The following GRAMD1B variants were observed in gnomAD, a reference collection of about 807,000 sequenced individuals.
GRAMD1B encodes the protein GRAM domain containing 1B.
A neutral mutation model predicts 99.7 loss-of-function variants in GRAMD1B; 37 were observed. The observed-to-expected ratio is 0.37, with a 90% CI of 0.29 to 0.49. The LOEUF (loss-of-function observed/expected upper bound fraction) is 0.49, where lower values mean the gene tolerates loss of function less well. GRAMD1B is among the 20% of genes least tolerant of loss of function. The probability of loss-of-function intolerance (pLI) is 0.98; values close to 1 mark genes in which losing one functional copy is unlikely to be tolerated. For missense variants in GRAMD1B, 888 were observed against 1,009.2 expected, an observed-to-expected ratio of 0.88 and a Z score of 1.63; for synonymous variants, 427 against 387.6, an observed-to-expected ratio of 1.10 and a Z score of -1.19.
Position 123,502,246 on chromosome 11 carries a change from C to T in GRAMD1B, c.452+21353C>T, listed in dbSNP as rs1939940418. On this transcript the variant is annotated intron_variant, in intron 2 of 19. Coordinates refer to ENST00000635736, the MANE Select transcript of GRAMD1B (RefSeq NM_001387025.1). ...CTGCATGCAGTGATGTCCAGGCATT[C>T]GGACAATCCTTCCTTCTCCCATCCT... 2.6e-5 allele frequency among the ~76,000 whole-genome samples: 4 copies of T among 152,192 alleles called. No individual in the cohort carries two copies. In the South Asian group the frequency reaches 6.2e-4, roughly 24 times the overall value.
At chr11:123,392,896 T>G (rs962064675) in intron 1 of GRAMD1B, among the ~76,000 whole-genome samples, 2 of 152,200 alleles carry the variant, frequency 1.3e-5, no homozygotes, top group African/African-American at 4.8e-5. Flanking sequence ...ATTTCAAGAT[T>G]TTTAGACGTT....
intron 1 of GRAMD1B, among the ~76,000 whole-genome samples, chr11:123,394,889 C>T (rs897366969): frequency 2.6e-5 from 4 of 152,132 alleles, no homozygotes. Flanking sequence ...CCCTGTTCCT[C>T]ACTTGACAGA....
chr11:123,550,929 TCA>T (rs1945544262), intron 2 of GRAMD1B, among the ~76,000 whole-genome samples: 1 of 152,210 alleles, frequency 6.6e-6, no homozygotes, highest in Non-Finnish European at 1.5e-5. Flanking sequence ...TGTCTCCTGT[TCA>T]CACACATTCT....
chr11:123,550,699 G>A (rs1945523164), intron 2 of GRAMD1B, among the ~76,000 whole-genome samples: 1 of 152,152 alleles, frequency 6.6e-6, no homozygotes, highest in South Asian at 2.1e-4. Flanking sequence ...CCCTCATTAA[G>A]ACCTTAATCC....
At chr11:123,409,119 G>A (rs1947952700) in intron 1 of GRAMD1B, among the ~76,000 whole-genome samples, 1 of 152,184 alleles carries the variant, frequency 6.6e-6, no homozygotes, top group African/African-American at 2.4e-5. Flanking sequence ...CTGGAATTAA[G>A]GAGACTTAGA....
chr11:123,598,857 C>T, intron 7 of GRAMD1B: 1 of 1,377,326 alleles, frequency 7.3e-7, no homozygotes, highest in Non-Finnish European at 1.0e-6. Flanking sequence ...AGGCTTCACT[C>T]TATCTGTGTA....
intron 2 of GRAMD1B, among the ~76,000 whole-genome samples, chr11:123,533,158 A>G (rs1345611013): frequency 1.3e-5 from 2 of 151,752 alleles, no homozygotes; most frequent in African/African-American, 4.8e-5. Flanking sequence ...TTTAGTAGAG[A>G]CAGGGTTTCT....
At chr11:123,409,796 C>G (rs577590337) in intron 1 of GRAMD1B, among the ~76,000 whole-genome samples, 204 of 152,268 alleles carry the variant, frequency 1.3e-3, no homozygotes, top group African/African-American at 4.7e-3. Context: ...ATAGTTCAAA[C>G]AAACTAACAA....
intron 7 of GRAMD1B, chr11:123,598,055 T>C (rs1424593494): frequency 4.2e-6 from 6 of 1,426,630 alleles, no homozygotes; most frequent in African/African-American, 2.8e-5. Context: ...TGAAGCCTTC[T>C]GCAATTTCAG....
intron 1 of GRAMD1B, among the ~76,000 whole-genome samples, chr11:123,473,189 G>A (rs935795381): frequency 6.6e-6 from 1 of 152,104 alleles, no homozygotes; most frequent in Non-Finnish European, 1.5e-5. Context: ...TCAGCCTCCC[G>A]AGTAGCTGGG....
At chr11:123,373,927 C>G (rs1406497159) in intron 1 of GRAMD1B, among the ~76,000 whole-genome samples, 2 of 152,108 alleles carry the variant, frequency 1.3e-5, no homozygotes, top group African/African-American at 4.8e-5. Flanking sequence ...TTTTGCTTTC[C>G]CCAGGGAGAA....
intron 7 of GRAMD1B, among the ~76,000 whole-genome samples, chr11:123,597,206 T>G (rs1951383111): frequency 7.1e-6 from 1 of 141,094 alleles, no homozygotes; most frequent in South Asian, 2.5e-4. Context: ...CAAAGGATCC[T>G]CTAGCCTCAG....
intron 1 of GRAMD1B, among the ~76,000 whole-genome samples, chr11:123,377,330 A>T (rs550223929): frequency 6.6e-6 from 1 of 152,240 alleles, no homozygotes; most frequent in East Asian, 1.9e-4. Context: ...TATCTCACTC[A>T]TGTGAACTTA....
At position 123,410,446 on chromosome 11, in the gene GRAMD1B, T is replaced by C. The variant is rs138556929; in HGVS notation, c.-176+51647T>C. On this transcript the variant is annotated intron_variant, in intron 1 of 20. Coordinates refer to the GRAMD1B transcript ENST00000638157. ...TGAGAGAGAGCAAAAACAAATACTT[T>C]TGAGCAAAATCAGTTGTCCCCAGAT... is the stretch of plus-strand genomic sequence containing the variant. 2.9e-3 allele frequency among the ~76,000 whole-genome samples: 443 copies of C among 152,254 alleles called. 4 individuals are homozygous for C. Among genetic ancestry groups the C allele is most frequent in the Non-Finnish European group, 3.7e-3 (255 of 68,006 alleles).
intron 4 of GRAMD1B, among the ~76,000 whole-genome samples, chr11:123,589,660 C>G (rs2136454888): frequency 6.9e-6 from 1 of 144,782 alleles, no homozygotes; most frequent in East Asian, 2.0e-4. Flanking sequence ...CGGGGTTTCA[C>G]TATGTTGGCC....
At chr11:123,440,822 A>G (rs1467827272) in intron 1 of GRAMD1B, among the ~76,000 whole-genome samples, 1 of 152,188 alleles carries the variant, frequency 6.6e-6, no homozygotes, top group African/African-American at 2.4e-5. Context: ...TCCCCACCCA[A>G]TTCAATCTCA....
intron 2 of GRAMD1B, among the ~76,000 whole-genome samples, chr11:123,565,751 G>T (rs957714822): frequency 6.6e-6 from 1 of 152,122 alleles, no homozygotes; most frequent in Non-Finnish European, 1.5e-5. Context: ...ACCACTATGC[G>T]CTCCTTCCAA....
intron 2 of GRAMD1B, among the ~76,000 whole-genome samples, chr11:123,521,922 CT>C (rs1312229044): frequency 6.6e-6 from 1 of 152,172 alleles, no homozygotes; most frequent in Non-Finnish European, 1.5e-5. Flanking sequence ...TTAAATATTT[CT>C]TACTTTTTTG....
At chr11:123,527,540 T>G (rs1942921499) in intron 2 of GRAMD1B, among the ~76,000 whole-genome samples, 1 of 152,154 alleles carries the variant, frequency 6.6e-6, no homozygotes, top group Admixed American at 6.5e-5. Flanking sequence ...TTACATTTAG[T>G]CCTTGCTTTC....
Sources: allele counts gnomAD v4.1 joint callset (sites outside exome capture counted in the v4.1 genomes callset), GRCh38; gene constraint gnomAD v4.1.1; transcripts MANE v1.5; gene names NCBI Gene and HGNC (gene_info 2026-07-23, HGNC 2026-07-21).